PTPRD: variants seen among roughly 807,000 people sequenced by gnomAD.
PTPRD encodes protein tyrosine phosphatase receptor type D.
A neutral mutation model predicts 214.5 loss-of-function variants in PTPRD; 34 were observed. The observed-to-expected ratio is 0.16, with a 90% confidence interval of 0.12 to 0.21. The LOEUF (loss-of-function observed/expected upper bound fraction) is 0.21, where lower values mean the gene tolerates loss of function less well. Among genes scored for constraint, PTPRD ranks in the 10% least tolerant of loss-of-function variants. The pLI is 1.00. For missense variants in PTPRD, 2,545 were observed against 2,398.7 expected, an observed-to-expected ratio of 1.06 and a Z score of -1.27; for synonymous variants, 1,128 against 845.7, an observed-to-expected ratio of 1.33 and a Z score of -5.79.
At chr9:9,866,833 A>T (rs2064083494) in intron 5 of PTPRD, among the ~76,000 whole-genome samples, 1 of 152,166 alleles carries the variant, frequency 6.6e-6, no homozygotes, top group Non-Finnish European at 1.5e-5. Flanking sequence ...ACACAACTTC[A>T]GTAATGCTAC....
chr9:8,925,166 G>T (rs1030551586), intron 11 of PTPRD, among the ~76,000 whole-genome samples: 1 of 152,104 alleles, frequency 6.6e-6, no homozygotes, highest in African/African-American at 2.4e-5. Context: ...TCTACTCCCT[G>T]ACTCTAATTA....
chr9:8,510,178 G>A (rs1268300836), intron 21 of PTPRD, among the ~76,000 whole-genome samples: 2 of 152,076 alleles, frequency 1.3e-5, no homozygotes, highest in African/African-American at 4.8e-5. Context: ...TGTAGTCCCA[G>A]CTGCTTGGGA....
At chr9:8,856,320 C>G (rs567639380) in intron 11 of PTPRD, among the ~76,000 whole-genome samples, 2 of 152,200 alleles carry the variant, frequency 1.3e-5, no homozygotes, top group African/African-American at 4.8e-5. Flanking sequence ...GAAAAAAATA[C>G]TGAAAATGGT....
chr9:10,530,407 A>C (rs1327959574), intron 2 of PTPRD, among the ~76,000 whole-genome samples: 1 of 152,210 alleles, frequency 6.6e-6, no homozygotes. Flanking sequence ...AATGGAGTAC[A>C]TCTTTTTTAC....
intron 3 of PTPRD, among the ~76,000 whole-genome samples, chr9:10,083,387 T>A (rs2098274626): frequency 6.6e-6 from 1 of 152,036 alleles, no homozygotes; most frequent in Non-Finnish European, 1.5e-5. Flanking sequence ...TTTCAAAATG[T>A]GGCTGTATGA....
intron 2 of PTPRD, among the ~76,000 whole-genome samples, chr9:10,608,971 A>G (rs1349697621): frequency 6.6e-6 from 1 of 152,152 alleles, no homozygotes; most frequent in East Asian, 1.9e-4. Flanking sequence ...GCACTTTAAT[A>G]CATAAGAAGA....
chr9:8,582,612 G>T (rs2093276979), intron 14 of PTPRD, among the ~76,000 whole-genome samples: 1 of 152,104 alleles, frequency 6.6e-6, no homozygotes. Context: ...TGAAACATAT[G>T]GAGAATAAGG....
chr9:9,804,908 T>C (rs551045055), intron 5 of PTPRD, among the ~76,000 whole-genome samples: 3 of 151,992 alleles, frequency 2.0e-5, no homozygotes, highest in African/African-American at 7.2e-5. Context: ...ATTATAATTT[T>C]ATATGATTGT....
chr9:9,612,521 T>C (rs1383682946), intron 7 of PTPRD, among the ~76,000 whole-genome samples: 2 of 152,122 alleles, frequency 1.3e-5, no homozygotes, highest in African/African-American at 2.4e-5. Context: ...GACAGCAAAA[T>C]TAAGGAAGTG....
intron 44 of PTPRD, among the ~76,000 whole-genome samples, chr9:8,330,053 A>AGAAGT (rs1198125167): frequency 2.6e-5 from 4 of 152,108 alleles, no homozygotes; most frequent in African/African-American, 7.2e-5. Flanking sequence ...AGACTGCGGG[A>AGAAGT]GAAGTGCAGT....
chr9:9,103,973 A>T (rs1244828922), intron 10 of PTPRD, among the ~76,000 whole-genome samples: 1 of 152,098 alleles, frequency 6.6e-6, no homozygotes, highest in African/African-American at 2.4e-5. Flanking sequence ...ATAGAGCAAG[A>T]CCCTGTCTCA....
At chr9:10,314,677 G>C (rs1422075252) in intron 3 of PTPRD, among the ~76,000 whole-genome samples, 2 of 151,882 alleles carry the variant, frequency 1.3e-5, no homozygotes, top group Non-Finnish European at 2.9e-5. Flanking sequence ...AGATGATACA[G>C]ATAAATAAAT....
At chr9:9,259,447 G>A (rs930607456) in intron 9 of PTPRD, among the ~76,000 whole-genome samples, 1 of 151,860 alleles carries the variant, frequency 6.6e-6, no homozygotes, top group African/African-American at 2.4e-5. Flanking sequence ...ACCAATGAAT[G>A]TATACCTACA....
At chr9:9,911,037 A>T (rs2079041472) in intron 5 of PTPRD, among the ~76,000 whole-genome samples, 1 of 151,936 alleles carries the variant, frequency 6.6e-6, no homozygotes, top group Non-Finnish European at 1.5e-5. Context: ...AACTCCTTAC[A>T]GTTGATAGTT....
intron 5 of PTPRD, among the ~76,000 whole-genome samples, chr9:9,779,412 A>C (rs2476589): frequency 0.42 from 63,708 of 151,902 alleles, 13,582 homozygotes; most frequent in African/African-American, 0.51. Context: ...CAGAATAAAC[A>C]GACAACATGC....
intron 5 of PTPRD, among the ~76,000 whole-genome samples, chr9:9,778,656 C>G (rs1483003514): frequency 6.6e-6 from 1 of 152,120 alleles, no homozygotes; most frequent in Admixed American, 6.5e-5. Flanking sequence ...GGAACAGGTA[C>G]ACAGTGTAGC....
intron 11 of PTPRD, among the ~76,000 whole-genome samples, chr9:8,959,948 A>G (rs930730853): frequency 2.0e-5 from 3 of 152,080 alleles, no homozygotes; most frequent in Non-Finnish European, 2.9e-5. Flanking sequence ...TGACAAGTGT[A>G]CAACATCATC....
At chr9:8,979,338 T>C (rs2099292384) in intron 11 of PTPRD, among the ~76,000 whole-genome samples, 1 of 152,154 alleles carries the variant, frequency 6.6e-6, no homozygotes, top group African/African-American at 2.4e-5. Flanking sequence ...GGCAATGGTT[T>C]TTTTTGGATA....
intron 8 of PTPRD, among the ~76,000 whole-genome samples, chr9:9,484,779 C>A (rs914042708): frequency 2.0e-5 from 3 of 152,084 alleles, no homozygotes; most frequent in Non-Finnish European, 4.4e-5. Flanking sequence ...GTGTCTGGTT[C>A]TGGAGCCTAC....
Sources: allele counts gnomAD v4.1 joint callset (sites outside exome capture counted in the v4.1 genomes callset), GRCh38; gene constraint gnomAD v4.1.1; transcripts MANE v1.5; gene names NCBI Gene and HGNC (gene_info 2026-07-23, HGNC 2026-07-21).